The following ELF4 variants were observed in gnomAD, a reference collection of about 807,000 sequenced individuals.
ELF4 encodes E74 like ETS transcription factor 4.
In ELF4, 10 loss-of-function variants were observed where a neutral mutation model predicts 31.7. The observed-to-expected ratio is 0.32, with a 90% CI of 0.19 to 0.54. The LOEUF (loss-of-function observed/expected upper bound fraction) is 0.54, where lower values mean the gene tolerates loss of function less well. Among genes scored for constraint, ELF4 ranks in the 20% least tolerant of loss-of-function variants. ELF4 has a pLI of 0.95. For synonymous variants in ELF4, 208 were observed against 226.7 expected, an observed-to-expected ratio of 0.92 and a Z score of 0.74; for missense variants, 418 against 522.0, an observed-to-expected ratio of 0.80 and a Z score of 1.94.
rs1932683078 is a variant in ELF4 at position 130,066,787 on chromosome X, G to T, written c.1926C>A (p.Pro642=). 2 of 1,209,185 alleles carry T rather than the reference G, an allele frequency of 1.7e-6. No individual in the cohort carries two copies. Among genetic ancestry groups the T allele is most frequent in the Non-Finnish European group, 2.2e-6 (2 of 894,207 alleles). The change falls in exon 9 of 9, where the codon CCC becomes CCA. Residue 642 remains proline, a synonymous_variant. Coordinates refer to ENST00000308167, the MANE Select transcript of ELF4 (RefSeq NM_001421.4). ...TGAATGGGGAGAAAGGGGCTGGGGT[G>T]GGGGATCTTGTCAGAAGGCTCCCAG... ...TTSGSLLTRS[P]TPAPFSPFNP...
chrX:130,080,324 T>C, intron 2 of ELF4, among the ~76,000 whole-genome samples: 1 of 105,857 alleles, frequency 9.4e-6, no homozygotes, highest in Non-Finnish European at 1.9e-5. Context: ...CTTGGGAGGC[T>C]GAGGCAGGAG....
intron 3 of ELF4, among the ~76,000 whole-genome samples, 186 bp from the exon 4 acceptor site, chrX:130,074,327 C>T (rs1308367334): frequency 1.8e-5 from 2 of 111,328 alleles, no homozygotes; most frequent in African/African-American, 6.5e-5. Flanking sequence ...GAGGGACAGC[C>T]AGGAAGGGCC....
chrX:130,081,113 G>T, intron 2 of ELF4, 143 bp downstream of exon 2: 1 of 745,645 alleles, frequency 1.3e-6, no homozygotes, highest in Non-Finnish European at 2.1e-6. Flanking sequence ...CAGGGCCAGT[G>T]CCCTGAGCAT....
At chrX:130,082,799 G>A (rs758061412) in intron 1 of ELF4, among the ~76,000 whole-genome samples, 3 of 110,885 alleles carry the variant, frequency 2.7e-5, no homozygotes, top group South Asian at 7.7e-4. Context: ...CCACGTCTTT[G>A]GTCCCCTGGG....
At chrX:130,092,172 G>A (rs1377473329) in intron 1 of ELF4, among the ~76,000 whole-genome samples, 3 of 112,838 alleles carry the variant, frequency 2.7e-5, no homozygotes, top group Non-Finnish European at 5.6e-5. Flanking sequence ...CCTCTCCCCA[G>A]CCTCCCAGGG....
At chrX:130,083,840 A>C (rs868296870) in intron 1 of ELF4, among the ~76,000 whole-genome samples, 1,406 of 104,035 alleles carry the variant, frequency 0.014, 21 homozygotes, top group African/African-American at 0.046. Flanking sequence ...GGCTGGATGG[A>C]TGGATGGATG....
chrX:130,102,940 G>GAGGA (rs1233263404), intron 1 of ELF4, among the ~76,000 whole-genome samples: 13 of 94,746 alleles, frequency 1.4e-4, no homozygotes, highest in Non-Finnish European at 1.8e-4. Context: ...AGGAGGGAGG[G>GAGGA]AGGAAGGAAG....
At chrX:130,090,728 G>A (rs1226307822) in intron 1 of ELF4, among the ~76,000 whole-genome samples, 1 of 112,481 alleles carries the variant, frequency 8.9e-6, no homozygotes, top group African/African-American at 3.2e-5. Flanking sequence ...ATTTTTAGAC[G>A]GCCCATGAGC....
chrX:130,083,816 ATGGC>A (rs1465695456), intron 1 of ELF4, among the ~76,000 whole-genome samples: 255 of 103,601 alleles, frequency 2.5e-3, no homozygotes, highest in African/African-American at 8.6e-3. Context: ...GGGTGGGTGG[ATGGC>A]TGGATGGATG....
intron 1 of ELF4, among the ~76,000 whole-genome samples, chrX:130,098,662 G>A (rs903986738): frequency 8.9e-6 from 1 of 112,057 alleles, no homozygotes; most frequent in African/African-American, 3.2e-5. Context: ...ACCACTGAGC[G>A]AGCTAAAAGA....
intron 1 of ELF4, among the ~76,000 whole-genome samples, chrX:130,097,063 G>A (rs962233477): frequency 5.6e-5 from 6 of 107,267 alleles, no homozygotes; most frequent in African/African-American, 2.1e-4. Context: ...TTGGGAGGCC[G>A]AGGTGGGAAG....
intron 8 of ELF4, among the ~76,000 whole-genome samples, chrX:130,068,833 T>C (rs752221872): frequency 8.9e-6 from 1 of 112,650 alleles, no homozygotes; most frequent in African/African-American, 3.2e-5. Flanking sequence ...GGCAAGTGAC[T>C]TCCCCTCTCT....
chrX:130,084,659 G>A (rs1932935656), intron 1 of ELF4, among the ~76,000 whole-genome samples: 1 of 111,469 alleles, frequency 9.0e-6, no homozygotes, highest in African/African-American at 3.3e-5. Context: ...GGGTGGAGGG[G>A]GAGGAAGTAG....
intron 2 of ELF4, among the ~76,000 whole-genome samples, chrX:130,075,051 C>T (rs1234518433): frequency 2.7e-5 from 3 of 110,181 alleles, no homozygotes; most frequent in Admixed American, 1.9e-4. Context: ...TCACTGCAAC[C>T]TCCGCCTCCC....
chrX:130,078,713 T>C (rs11796273), intron 2 of ELF4, among the ~76,000 whole-genome samples: 37,499 of 106,000 alleles, frequency 0.35, 5,417 homozygotes, highest in African/African-American at 0.5. Context: ...GCCGAGATCG[T>C]GCCATTGCAC....
At chrX:130,078,766 C>G (rs1603203076) in intron 2 of ELF4, among the ~76,000 whole-genome samples, 1 of 59,650 alleles carries the variant, frequency 1.7e-5, no homozygotes, top group African/African-American at 7.3e-5. Context: ...TCTCTCTACA[C>G]ACACACACAC....
At position 130,081,477 on chromosome X, in the gene ELF4, G is replaced by A; in HGVS notation, c.-147C>T. ...AAAATAGGGGGTGGAGAGAGCTGGA[G>A]TAGGTGGTGGCCTAAGCCAGGCTCA... On this transcript the variant is annotated 5_prime_UTR_variant, in exon 2 of 9. Transcript: ENST00000308167. The A allele has an allele frequency of 1.6e-6, 1 of 623,545 alleles. No individual in the cohort carries two copies. Among genetic ancestry groups the A allele is most frequent in the Admixed American group, 2.6e-5 (1 of 38,245 alleles). 51.4% of individuals were successfully genotyped at this position (623,545 alleles called of 1,213,427 possible). A position where few individuals can be genotyped will look rare whatever the true frequency, so the allele number is the denominator to read the frequency against.
chrX:130,067,483 G>A lies in ELF4; in HGVS notation c.1230C>T (p.Pro410=), dbSNP rs748445582. ...GGGTCAGGGCCGAGCCCGACCCCAC[G>A]GGGGCCACTCCTAGGTGGATGTTGC... ...VPSNIHLGVA[P]VGSGSALTLQ... The change falls in exon 9 of 9, where the codon CCC becomes CCT. Residue 410 remains proline, a synonymous_variant. Transcript: ENST00000308167. 1.2e-5 allele frequency: 15 copies of A among 1,211,883 alleles called. No homozygotes were observed. Among genetic ancestry groups the A allele is most frequent in the Admixed American group, 2.2e-5 (1 of 46,098 alleles).
chrX:130,081,171 C>A, intron 2 of ELF4, 85 bp downstream of exon 2: 1 of 1,065,145 alleles, frequency 9.4e-7, no homozygotes, highest in East Asian at 3.0e-5. Context: ...GTGCAGCCAG[C>A]TGGCTCCCTG....
Sources: gnomAD v4.1 joint callset for allele counts (sites outside exome capture counted in the v4.1 genomes callset) on GRCh38, gnomAD v4.1.1 for gene constraint, MANE v1.5 for transcripts, NCBI Gene and HGNC (gene_info 2026-07-23, HGNC 2026-07-21) for gene names.